The following MYO1H variants were observed in gnomAD, a reference collection of about 807,000 sequenced individuals.
MYO1H encodes myosin IH, also known as unconventional myosin-Ih.
In MYO1H, 118 loss-of-function variants were observed where a neutral mutation model predicts 149.3. The observed-to-expected ratio is 0.79, with a 90% CI of 0.68 to 0.92. The LOEUF is 0.92. Ranked by LOEUF, MYO1H falls within the 40% of genes least tolerant of loss-of-function variation. The probability of loss-of-function intolerance (pLI) is 0.00; values close to 1 mark genes in which losing one functional copy is unlikely to be tolerated. For synonymous variants in MYO1H, 447 were observed against 465.2 expected (o/e 0.96, Z 0.50); for missense variants, 1,212 against 1,280.7 (o/e 0.95, Z 0.82).
chr12:109,340,553 C>A, the MYO1H span, among the ~76,000 whole-genome samples: 1 of 152,050 alleles, frequency 6.6e-6, no homozygotes, highest in East Asian at 1.9e-4. Flanking sequence ...ACACTAATAG[C>A]CAGAAAAGAA....
chr12:109,408,812 C>T (rs56281307), intron 10 of MYO1H, among the ~76,000 whole-genome samples: 10,271 of 151,544 alleles, frequency 0.068, 1,144 homozygotes, highest in African/African-American at 0.24. Flanking sequence ...TTTTTTGAGA[C>T]GGAGTCCCAC....
At chr12:109,427,772 C>T (rs1012059275) in intron 19 of MYO1H, among the ~76,000 whole-genome samples, 186 bp downstream of exon 19, 3 of 140,920 alleles carry the variant, frequency 2.1e-5, no homozygotes, top group Admixed American at 1.4e-4. Flanking sequence ...TGGCTGGGTG[C>T]GGTGGCTCAT....
chr12:109,316,623 T>C, the MYO1H span, among the ~76,000 whole-genome samples: 5 of 152,190 alleles, frequency 3.3e-5, no homozygotes, highest in African/African-American at 1.2e-4. Flanking sequence ...ATTAATCCCA[T>C]AGGGATGGGG....
chr12:109,357,853 C>G (rs987328792), intron 1 of MYO1H, among the ~76,000 whole-genome samples: 1 of 148,868 alleles, frequency 6.7e-6, no homozygotes, highest in Non-Finnish European at 1.5e-5. Flanking sequence ...GATTTTTTTT[C>G]TCCCAACCAT....
At chr12:109,443,149 C>CAT (rs1872274216) in intron 27 of MYO1H, among the ~76,000 whole-genome samples, 1 of 76,868 alleles carries the variant, frequency 1.3e-5, no homozygotes, top group Non-Finnish European at 2.5e-5. Flanking sequence ...TATATGTGTA[C>CAT]GTATGTGTGT....
At chr12:109,378,304 T>C (rs1027520660) in intron 1 of MYO1H, among the ~76,000 whole-genome samples, 5 of 150,694 alleles carry the variant, frequency 3.3e-5, no homozygotes, top group African/African-American at 1.2e-4. Context: ...TTCTTTTTCT[T>C]TTTTTTTCTT....
chr12:109,315,244 A>G, the MYO1H span, among the ~76,000 whole-genome samples: 2 of 152,204 alleles, frequency 1.3e-5, no homozygotes, highest in Non-Finnish European at 2.9e-5. Context: ...TTGCCTCTGA[A>G]TTCTATAGCT....
chr12:109,370,644 G>C (rs1213039731), intron 1 of MYO1H, among the ~76,000 whole-genome samples: 2 of 152,208 alleles, frequency 1.3e-5, no homozygotes, highest in African/African-American at 4.8e-5. Flanking sequence ...TGGCAGGGAG[G>C]TACATTTGGG....
chr12:109,327,750 AAAAAAAAGAAAG>A, the MYO1H span, among the ~76,000 whole-genome samples: 8 of 150,848 alleles, frequency 5.3e-5, no homozygotes, highest in Non-Finnish European at 1.2e-4. Context: ...AAAAAAAAAA[AAAAAAAAGAAAG>A]AAAAAAAAGA....
chr12:109,372,228 A>G (rs2137016423), intron 1 of MYO1H, among the ~76,000 whole-genome samples: 1 of 151,814 alleles, frequency 6.6e-6, no homozygotes, highest in African/African-American at 2.4e-5. Flanking sequence ...CTTCATTCAT[A>G]TTTTCTTGTA....
At chr12:109,403,859 C>T (rs1870265540) in intron 6 of MYO1H, 123 bp from the exon 7 acceptor site, 1 of 597,620 alleles carries the variant, frequency 1.7e-6, no homozygotes. Flanking sequence ...AGAGTAAAAC[C>T]TATTTTTGAT....
chr12:109,397,100 A>C (rs1452607625), intron 4 of MYO1H, among the ~76,000 whole-genome samples: 1 of 152,044 alleles, frequency 6.6e-6, no homozygotes, highest in African/African-American at 2.4e-5. Context: ...AAGTGCTGTA[A>C]TTACAGGCGT....
chr12:109,324,646 T>C, the MYO1H span, among the ~76,000 whole-genome samples: 1 of 152,154 alleles, frequency 6.6e-6, no homozygotes, highest in African/African-American at 2.4e-5. Flanking sequence ...CTTTCTACAT[T>C]TGTTACCTTA....
chr12:109,391,985 G>C (rs1378385511), intron 2 of MYO1H, among the ~76,000 whole-genome samples: 1 of 152,140 alleles, frequency 6.6e-6, no homozygotes, highest in African/African-American at 2.4e-5. Context: ...ATAGGTTGTA[G>C]AACTTTTCTC....
At chr12:109,312,203 T>G in the MYO1H span, among the ~76,000 whole-genome samples, 3 of 81,188 alleles carry the variant, frequency 3.7e-5, no homozygotes, top group Admixed American at 3.3e-4. Flanking sequence ...GAAGTTCAGT[T>G]TTTTTTTTTG....
At chr12:109,414,244 G>C (rs1870801660) in intron 14 of MYO1H, among the ~76,000 whole-genome samples, 1 of 152,206 alleles carries the variant, frequency 6.6e-6, no homozygotes, top group Admixed American at 6.5e-5. Context: ...GCGAGACCAA[G>C]ACGAGTGGAT....
At chr12:109,400,060 A>G (rs1016396244) in intron 5 of MYO1H, among the ~76,000 whole-genome samples, 2 of 152,134 alleles carry the variant, frequency 1.3e-5, no homozygotes, top group African/African-American at 4.8e-5. Flanking sequence ...AGTATGTTCT[A>G]TTTTGTGCCT....
Position 109,426,675 on chromosome 12 carries a change from A to G in MYO1H, c.1831+624A>G, listed in dbSNP as rs1032685293. Among the ~76,000 whole-genome samples, 3 of 152,184 alleles carry G rather than the reference A, an allele frequency of 2.0e-5. No individual in the cohort carries two copies. In the East Asian group the frequency reaches 5.8e-4, roughly 29 times the overall value. Reference sequence around the variant, plus strand: ...CAACGTCACTCTTTTCTAGCCAAGGAACAGTCTTCGAAAATGATCTATGAC... The same window carrying G: ...CAACGTCACTCTTTTCTAGCCAAGGGACAGTCTTCGAAAATGATCTATGAC... On this transcript the variant is annotated intron_variant, in intron 18 of 31. Transcript: ENST00000310903.
At chr12:109,409,243 CTTCTTTTTTTTTTTTTTT>C (rs1290954829) in intron 10 of MYO1H, among the ~76,000 whole-genome samples, 19 of 59,072 alleles carry the variant, frequency 3.2e-4, no homozygotes, top group African/African-American at 1.1e-3. Context: ...TCTTCTTCTT[CTTCTTTTTTTTTTTTTTT>C]TTTTTTTTTT....
Sources: allele counts gnomAD v4.1 joint callset (sites outside exome capture counted in the v4.1 genomes callset), GRCh38; gene constraint gnomAD v4.1.1; transcripts MANE v1.5; gene names NCBI Gene and HGNC (gene_info 2026-07-23, HGNC 2026-07-21).